The following ARMC6 variants were observed in gnomAD, a reference collection of about 807,000 sequenced individuals.
ARMC6 encodes the protein armadillo repeat-containing protein 6.
Under a neutral mutation model 49.2 loss-of-function variants are expected in ARMC6, and 43 were observed. The observed-to-expected ratio is 0.87, with a 90% CI of 0.69 to 1.13. The LOEUF (loss-of-function observed/expected upper bound fraction) is 1.13, where lower values mean the gene tolerates loss of function less well. Ranked by LOEUF, ARMC6 falls within the 50% of genes most tolerant of loss-of-function variation. The probability of loss-of-function intolerance (pLI) is 0.00; values close to 1 mark genes in which losing one functional copy is unlikely to be tolerated. For synonymous variants in ARMC6, 262 were observed against 289.6 expected (o/e 0.90, Z 0.97); for missense variants, 627 against 682.0 (o/e 0.92, Z 0.90).
chr19:19,055,920 G>A lies in ARMC6; in HGVS notation c.1285G>A (p.Gly429Ser), dbSNP rs1263128574. The change falls in exon 8 of 9, where the codon GGC becomes AGC. Residue 429 changes from glycine (G) to serine (S), a missense_variant. Transcript: ENST00000535612. The surrounding 1 kb of genome is among the most constrained non-coding windows in gnomAD (Gnocchi z 5.7). ...QAMKAHPQKA[G>S]VQKQACMLIR... ...CATGAAGGCACACCCGCAGAAGGCC[G>A]GCGTGCAGGTGGGCAGGGCAGGGGA... 1.1e-5 allele frequency: 18 copies of A among 1,609,574 alleles called. No homozygotes were observed. The highest frequency in any genetic ancestry group is 1.7e-4 in the Middle Eastern group (1 of 5,904).
intron 4 of ARMC6, among the ~76,000 whole-genome samples, chr19:19,049,146 G>A (rs114922146): frequency 0.014 from 2,149 of 148,976 alleles, 46 homozygotes; most frequent in African/African-American, 0.048. Context: ...TCTGCTTCCC[G>A]GGCTCAAGCA....
chr19:19,044,027 A>G lies in ARMC6; in HGVS notation c.232A>G (p.Lys78Glu), dbSNP rs766694493. 1.4e-5 allele frequency: 23 copies of G among 1,613,990 alleles called. No individual in the cohort carries two copies. Among genetic ancestry groups the G allele is most frequent in the Admixed American group, 6.7e-5 (4 of 60,002 alleles). ...DLSNIVKTAP[K>E]VSADGSQEPT... The stretch of plus-strand genomic sequence containing the variant: ...GAGCAACATTGTAAAGACGGCACCT[A>G]AAGTCTCTGCAGACGGATCCCAGGA... The change falls in exon 4 of 9, where the codon AAA becomes GAA. Residue 78 changes from lysine (K) to glutamate (E), a missense_variant. Lys to Glu is a moderately conservative substitution (Grantham distance 56). Transcript: ENST00000535612.
At chr19:19,042,594 T>C in intron 2 of ARMC6, 117 bp from the exon 3 acceptor site, 1 of 964,568 alleles carries the variant, frequency 1.0e-6, no homozygotes, top group Non-Finnish European at 1.6e-6. Flanking sequence ...TTCTCCAGGG[T>C]GGTTGTAGGG....
intron 2 of ARMC6, among the ~76,000 whole-genome samples, chr19:19,035,020 C>A (rs775280253): frequency 1.3e-5 from 2 of 152,230 alleles, no homozygotes; most frequent in African/African-American, 2.4e-5. Flanking sequence ...CGCCACCACG[C>A]CCGGCTAGTT....
intron 8 of ARMC6, among the ~76,000 whole-genome samples, chr19:19,056,907 C>T (rs1746307376): frequency 6.6e-6 from 1 of 152,236 alleles, no homozygotes; most frequent in Non-Finnish European, 1.5e-5. Flanking sequence ...CAGCAGTTCC[C>T]CACTCTGCAT....
intron 4 of ARMC6, 76 bp downstream of exon 4, chr19:19,044,150 G>C: frequency 7.1e-7 from 1 of 1,400,798 alleles, no homozygotes; most frequent in Non-Finnish European, 1.0e-6. Flanking sequence ...TTCCTGGATG[G>C]CAGAATACAG....
rs1469577535 is a variant in ARMC6 at position 19,057,577 on chromosome 19, T to G, written c.1455T>G (p.His485Gln). The change falls in exon 9 of 9, where the codon CAT becomes CAG. Residue 485 changes from histidine (H) to glutamine (Q), a missense_variant. Transcript: ENST00000535612. ...CCGCCCTGCGGGACCTGGGTTGTCA[T>G]GTCGAGCTCCGAGAGCTGTGGACAG... Reference protein sequence around the residue: ...AKAALRDLGCHVELRELWTGQ... With the variant: ...AKAALRDLGCQVELRELWTGQ... The G allele has an allele frequency of 6.2e-7, 1 of 1,613,540 alleles. No individual in the cohort carries two copies. Among genetic ancestry groups the G allele is most frequent in the South Asian group, 1.1e-5 (1 of 91,070 alleles).
intron 4 of ARMC6, among the ~76,000 whole-genome samples, chr19:19,048,255 A>C (rs1413877746): frequency 6.6e-6 from 1 of 152,198 alleles, no homozygotes; most frequent in Non-Finnish European, 1.5e-5. Context: ...CTGAGGTAGG[A>C]GAATTGCTTG....
Position 19,057,458 on chromosome 19 carries a change from C to T in ARMC6, c.1336C>T (p.Gln446Ter), listed in dbSNP as rs2059553892. The change falls in exon 9 of 9, where the codon CAG (glutamine) becomes TAG (stop). Residue 446 changes from glutamine (Q) to a stop codon, truncating the protein, a stop_gained. Transcript: ENST00000535612. LOFTEE classifies it high-confidence loss of function. ...MLIRNLVAHGQAFSKPILDLG... is the reference protein window; with the variant it reads ...MLIRNLVAHG The stretch of plus-strand genomic sequence containing the variant: ...GATCCGAAACCTGGTGGCCCACGGC[C>T]AGGCCTTCTCGAAGCCCATCCTGGA... The T allele has an allele frequency of 1.2e-6, 2 of 1,614,008 alleles. No individual in the cohort carries two copies. The highest frequency in any genetic ancestry group is 1.7e-6 in the Non-Finnish European group (2 of 1,180,038).
At chr19:19,051,375 C>CTCTGTGTGTGTG (rs372606082) in intron 4 of ARMC6, among the ~76,000 whole-genome samples, 13 of 139,760 alleles carry the variant, frequency 9.3e-5, no homozygotes, top group African/African-American at 1.7e-4. Flanking sequence ...CTCTCTCTCT[C>CTCTGTGTGTGTG]TGTGTGTGTG....
At chr19:19,056,792 A>C (rs1322276672) in intron 8 of ARMC6, among the ~76,000 whole-genome samples, 8 of 152,050 alleles carry the variant, frequency 5.3e-5, no homozygotes. Flanking sequence ...ATTCTTGGAC[A>C]CACCAGGCTG....
intron 2 of ARMC6, among the ~76,000 whole-genome samples, chr19:19,036,847 A>G (rs2059373288): frequency 6.6e-6 from 1 of 152,224 alleles, no homozygotes; most frequent in East Asian, 1.9e-4. Flanking sequence ...TGCCCTATGA[A>G]GTAGATTCGT....
intron 2 of ARMC6, among the ~76,000 whole-genome samples, chr19:19,034,678 T>A (rs2059330536): frequency 6.6e-6 from 1 of 152,070 alleles, no homozygotes; most frequent in Non-Finnish European, 1.5e-5. Flanking sequence ...AACCTCCACC[T>A]CCCGGGTTCA....
At chr19:19,042,566 A>G in intron 2 of ARMC6, 145 bp from the exon 3 acceptor site, 1 of 760,082 alleles carries the variant, frequency 1.3e-6, no homozygotes, top group Non-Finnish European at 2.2e-6. Flanking sequence ...CTTTCCTGTG[A>G]TAACAGGTGG....
intron 3 of ARMC6, 53 bp downstream of exon 3, chr19:19,042,930 G>C: frequency 6.2e-7 from 1 of 1,601,962 alleles, no homozygotes; most frequent in South Asian, 1.1e-5. Context: ...TGCAAGAGCA[G>C]TGGGAGAGCC....
At chr19:19,042,614 C>A (rs746086889) in intron 2 of ARMC6, 97 bp from the exon 3 acceptor site, 2 of 1,303,614 alleles carry the variant, frequency 1.5e-6, no homozygotes, top group Non-Finnish European at 2.2e-6. Context: ...GCTCTGGTCG[C>A]TGGTAGATGC....
chr19:19,042,258 G>A (rs904975397), intron 2 of ARMC6, among the ~76,000 whole-genome samples: 3 of 152,064 alleles, frequency 2.0e-5, no homozygotes, highest in African/African-American at 4.8e-5. Flanking sequence ...TGCTACATCC[G>A]TAATAGTTTC....
chr19:19,043,911 G>A (rs1308611294), intron 3 of ARMC6, 81 bp from the exon 4 acceptor site: 3 of 1,331,366 alleles, frequency 2.3e-6, no homozygotes, highest in South Asian at 1.2e-5. Flanking sequence ...GTCCTGAGGT[G>A]TGATTCCAGC....
At chr19:19,034,293 TTATC>T (rs1241787366) in intron 2 of ARMC6, 55 bp downstream of exon 2, 3 of 1,572,898 alleles carry the variant, frequency 1.9e-6, no homozygotes, top group Admixed American at 1.8e-5. Flanking sequence ...GGGCTGCTCT[TTATC>T]TAGAAGTGGT....
Sources: allele counts gnomAD v4.1 joint callset (sites outside exome capture counted in the v4.1 genomes callset), GRCh38; gene constraint gnomAD v4.1.1; non-coding constraint Gnocchi (gnomAD v3.1); transcripts MANE v1.5; gene names NCBI Gene and HGNC (gene_info 2026-07-23, HGNC 2026-07-21).